Variants in TOP1 observed in about 807,000 individuals in gnomAD.
TOP1 encodes DNA topoisomerase 1.
A neutral mutation model predicts 111.1 loss-of-function variants in TOP1; 10 were observed. The observed-to-expected ratio is 0.09, with a 90% CI of 0.06 to 0.15. TOP1 has a LOEUF of 0.15. Ranked by LOEUF, TOP1 falls within the 10% of genes least tolerant of loss-of-function variation. TOP1 has a pLI of 1.00. For missense variants in TOP1, 474 were observed against 926.7 expected (o/e 0.51, Z 6.34); for synonymous variants, 271 against 302.9 (o/e 0.89, Z 1.10).
chr20:41,100,199 G>A lies in TOP1; in HGVS notation c.1119G>A (p.Leu373=), dbSNP rs996656006. The change falls in exon 12 of 21, where the codon CTG becomes CTA. Residue 373 remains leucine (L), a synonymous_variant. Transcript: ENST00000361337. This position sits in a 1 kb window ranked among gnomAD's most constrained non-coding sequence, Gnocchi z 4.4. The part of the protein sequence containing the change: ...GRGNHPKMGM[L]KRRIMPEDII... Reference sequence around the variant, plus strand: ...GCAACCACCCCAAGATGGGCATGCTGAAGAGACGAATCATGCCCGAGGATA... The same window carrying A: ...GCAACCACCCCAAGATGGGCATGCTAAAGAGACGAATCATGCCCGAGGATA... The A allele has an allele frequency of 6.2e-7, 1 of 1,613,940 alleles. No homozygotes were observed. Among genetic ancestry groups the A allele is most frequent in the Non-Finnish European group, 8.5e-7 (1 of 1,179,944 alleles).
chr20:41,061,414 AAAC>A lies in TOP1; in HGVS notation c.81_83del (p.Lys27_His28delinsAsn). The A allele has an allele frequency of 6.2e-7, 1 of 1,613,854 alleles. No individual in the cohort carries two copies. The highest frequency in any genetic ancestry group is 8.5e-7 in the Non-Finnish European group (1 of 1,179,830). On this transcript the variant is annotated inframe_deletion, in exon 3 of 21. Transcript: ENST00000361337. The surrounding 1 kb of genome is among the most constrained non-coding windows in gnomAD (Gnocchi z 4.6). ...TGCAGATTCTCATAAACACAAAGAT[AAAC>A]ACAAAGATCGAGAACACCGGCACAA...
At chr20:41,059,917 C>A (rs1881010390) in intron 2 of TOP1, among the ~76,000 whole-genome samples, 1 of 152,102 alleles carries the variant, frequency 6.6e-6, no homozygotes, top group African/African-American at 2.4e-5. Context: ...ACAAGCACAC[C>A]AAAAGATGCT....
Position 41,121,382 on chromosome 20 carries a change from G to A in TOP1, c.1951-314G>A, listed in dbSNP as rs1215939527. 1.3e-5 allele frequency among the ~76,000 whole-genome samples: 2 copies of A among 152,226 alleles called. No homozygotes were observed. The highest frequency in any genetic ancestry group is 4.8e-5 in the African/African-American group (2 of 41,456). On this transcript the variant is annotated intron_variant, in intron 18 of 20. Transcript: ENST00000361337. This position sits in a 1 kb window ranked among gnomAD's most constrained non-coding sequence, Gnocchi z 4.2. ...GTCATTTGTAGCCATCCTCCCAGAT[G>A]TATGACAGCAGAGTGTTCTCTGATG...
chr20:41,088,408 C>T (rs1475110956), intron 8 of TOP1, among the ~76,000 whole-genome samples: 2 of 152,104 alleles, frequency 1.3e-5, no homozygotes, highest in Admixed American at 6.5e-5. Context: ...GAGGCTGAGG[C>T]GCGAGAATGG....
In TOP1 at chr20:41,100,005, T is replaced by C. The variant is rs748613146; in HGVS notation, c.976-51T>C. 7.4e-6 allele frequency: 10 copies of C among 1,350,626 alleles called. No individual in the cohort carries two copies. The highest frequency in any genetic ancestry group is 1.4e-5 in the African/African-American group (1 of 69,216). 83.7% of individuals were successfully genotyped at this position (1,350,626 alleles called of 1,614,324 possible). ...TCCCACAAGAGATAAAATGCATTAG[T>C]AGAGAACAGCAATCTGAATCTATTT... On this transcript the variant is annotated intron_variant, in intron 11 of 20. Transcript: ENST00000361337. This position sits in a 1 kb window ranked among gnomAD's most constrained non-coding sequence, Gnocchi z 4.4.
intron 2 of TOP1, among the ~76,000 whole-genome samples, chr20:41,040,457 C>T (rs1485024485): frequency 2.6e-5 from 4 of 152,128 alleles, no homozygotes; most frequent in Non-Finnish European, 5.9e-5. Context: ...ATTTTTAATG[C>T]TTCCACTTAA....
In TOP1 at chr20:41,080,028, G is replaced by A. The variant is rs2033770826; in HGVS notation, c.336-57G>A. 2.0e-6 allele frequency: 2 copies of A among 1,000,934 alleles called. No individual in the cohort carries two copies. Among genetic ancestry groups the A allele is most frequent in the South Asian group, 2.7e-5 (2 of 73,278 alleles). The allele number at this position is 1,000,934 out of a possible 1,614,324, so 62.0% of individuals were successfully genotyped here. ...CAACGAAATGACATATTCCTTCTTT[G>A]TATTAATAGAATACAGATGTTCTAG... On this transcript the variant is annotated intron_variant, in intron 5 of 20. Coordinates refer to ENST00000361337, the MANE Select transcript of TOP1 (RefSeq NM_003286.4). This position sits in a 1 kb window ranked among gnomAD's most constrained non-coding sequence, Gnocchi z 5.0.
chr20:41,040,803 CAAAAAAAAAAA>C (rs58729802), intron 2 of TOP1, among the ~76,000 whole-genome samples: 1 of 80,566 alleles, frequency 1.2e-5, no homozygotes, highest in Non-Finnish European at 2.6e-5. Flanking sequence ...GGCATCGTCT[CAAAAAAAAAAA>C]AAAAAAAAAA....
In TOP1 at chr20:41,035,893, G is replaced by A. The variant is rs1600550814; in HGVS notation, c.58+6438G>A. Among the ~76,000 whole-genome samples the A allele has an allele frequency of 5.3e-5, 8 of 152,208 alleles. No individual in the cohort carries two copies. In the South Asian group the frequency reaches 1.7e-3, roughly 32 times the overall value. On this transcript the variant is annotated intron_variant, in intron 2 of 20. Coordinates refer to ENST00000361337, the MANE Select transcript of TOP1 (RefSeq NM_003286.4). ...AGGCTTCAGGATCATTGTCATTTGT[G>A]GATCTCATTGGCTAAGACCTTTTAC...
intron 3 of TOP1, among the ~76,000 whole-genome samples, chr20:41,075,958 G>A (rs919540623): frequency 1.3e-5 from 2 of 152,094 alleles, no homozygotes; most frequent in African/African-American, 2.4e-5. Context: ...GTCCTGGTGT[G>A]TCTAGAATGA....
At position 41,079,846 on chromosome 20, in the gene TOP1, A is replaced by G. The variant is rs1192787373; in HGVS notation, c.336-239A>G. On this transcript the variant is annotated intron_variant, in intron 5 of 20. Coordinates refer to ENST00000361337, the MANE Select transcript of TOP1 (RefSeq NM_003286.4). The surrounding 1 kb of genome is among the most constrained non-coding windows in gnomAD (Gnocchi z 4.0). ...AAATAGTGAGAAAGAATTCTGACTT[A>G]GAATAAAGAGTCTTGATCCCAAATC... Among the ~76,000 whole-genome samples, 1 of 152,230 alleles carries G rather than the reference A, an allele frequency of 6.6e-6. No individual in the cohort carries two copies. Among genetic ancestry groups the G allele is most frequent in the Admixed American group, 6.5e-5 (1 of 15,280 alleles).
intron 3 of TOP1, among the ~76,000 whole-genome samples, chr20:41,063,413 G>A (rs1428355916): frequency 6.6e-6 from 1 of 152,166 alleles, no homozygotes; most frequent in Non-Finnish European, 1.5e-5. Context: ...GTGTACATGT[G>A]TCTTTTTAGT....
At position 41,046,841 on chromosome 20, in the gene TOP1, C is replaced by G. The variant is rs1304022584; in HGVS notation, c.59-14553C>G. ...AAGGGGAATAAATAACAAATTTAAC[C>G]AGCTTGCTGCTTAAGAAGCAGAATT... is the stretch of plus-strand genomic sequence containing the variant. On this transcript the variant is annotated intron_variant, in intron 2 of 20. Transcript: ENST00000361337. This position sits in a 1 kb window ranked among gnomAD's most constrained non-coding sequence, Gnocchi z 4.3. Among the ~76,000 whole-genome samples the G allele has an allele frequency of 3.3e-5, 5 of 152,242 alleles. No homozygotes were observed. The East Asian group carries it at 9.7e-4, about 29-fold the overall frequency.
At chr20:41,041,884 G>GGGT (rs1446989337) in intron 2 of TOP1, among the ~76,000 whole-genome samples, 2 of 124,902 alleles carry the variant, frequency 1.6e-5, no homozygotes, top group African/African-American at 3.9e-5. Context: ...AAAGCTTACA[G>GGGT]GGTGATGATG....
chr20:41,060,128 A>G (rs2033527083), intron 2 of TOP1, among the ~76,000 whole-genome samples: 2 of 152,232 alleles, frequency 1.3e-5, no homozygotes, highest in Non-Finnish European at 2.9e-5. Context: ...TTAAACATAC[A>G]TTTTTTATAT....
At chr20:41,120,143 A>C (rs571684443) in intron 18 of TOP1, among the ~76,000 whole-genome samples, 31 of 152,336 alleles carry the variant, frequency 2.0e-4, no homozygotes, top group African/African-American at 7.2e-4. Context: ...ATAGCCTGCC[A>C]ATTTAGCATT....
rs1350607727 is a variant in TOP1, at chr20:41,067,843, C to G, written c.155+6353C>G. On this transcript the variant is annotated intron_variant, in intron 3 of 20. Coordinates refer to ENST00000361337, the MANE Select transcript of TOP1 (RefSeq NM_003286.4). The surrounding 1 kb of genome is among the most constrained non-coding windows in gnomAD (Gnocchi z 4.0). ...GAAACAAAATGGGGCTATGGATCCA[C>G]ATCCCAGAAGATGCCATTTGGTTTC... is the stretch of plus-strand genomic sequence containing the variant. Among the ~76,000 whole-genome samples the G allele has an allele frequency of 6.6e-6, 1 of 152,214 alleles. No homozygotes were observed. Among genetic ancestry groups the G allele is most frequent in the Admixed American group, 6.5e-5 (1 of 15,284 alleles).
At chr20:41,062,382 C>G (rs903843180) in intron 3 of TOP1, among the ~76,000 whole-genome samples, 3 of 152,204 alleles carry the variant, frequency 2.0e-5, no homozygotes, top group Admixed American at 6.5e-5. Flanking sequence ...TTTCGCGAAT[C>G]ATTAAAATAA....
At chr20:41,063,115 G>T (rs1410262782) in intron 3 of TOP1, among the ~76,000 whole-genome samples, 3 of 152,086 alleles carry the variant, frequency 2.0e-5, no homozygotes, top group Non-Finnish European at 4.4e-5. Flanking sequence ...GTAGTCTCCA[G>T]TGTCTATTAT....
Sources: allele counts gnomAD v4.1 joint callset (sites outside exome capture counted in the v4.1 genomes callset), GRCh38; gene constraint gnomAD v4.1.1; non-coding constraint Gnocchi (gnomAD v3.1); transcripts MANE v1.5; gene names NCBI Gene and HGNC (gene_info 2026-07-23, HGNC 2026-07-21).